Variants in KIAA1217 observed in about 807,000 individuals in gnomAD.
KIAA1217 encodes the protein sickle tail protein homolog.
In KIAA1217, 88 loss-of-function variants were observed where a neutral mutation model predicts 163.9. The ratio of observed to expected loss-of-function variants is 0.54; its 90% CI spans 0.45 to 0.64. KIAA1217 has a LOEUF of 0.64. KIAA1217 is among the 30% of genes least tolerant of loss of function. The probability of loss-of-function intolerance (pLI) is 0.00; values close to 1 mark genes in which losing one functional copy is unlikely to be tolerated. For synonymous variants in KIAA1217, 903 were observed against 923.1 expected (o/e 0.98, Z 0.39); for missense variants, 2,372 against 2,475.0 (o/e 0.96, Z 0.88).
intron 2 of KIAA1217, among the ~76,000 whole-genome samples, chr10:24,176,871 C>T (rs901367858): frequency 6.6e-5 from 10 of 152,252 alleles, no homozygotes; most frequent in East Asian, 3.9e-4. Flanking sequence ...CCCTGCCCCA[C>T]GGGGAGGCAG....
intron 2 of KIAA1217, among the ~76,000 whole-genome samples, chr10:24,197,160 C>CTAATA (rs1481556023): frequency 6.6e-6 from 1 of 152,208 alleles, no homozygotes; most frequent in Non-Finnish European, 1.5e-5. Context: ...TTTAGTTAAA[C>CTAATA]TAATATCCCT....
chr10:24,405,711 G>A (rs1162577495), intron 3 of KIAA1217, among the ~76,000 whole-genome samples: 3 of 152,284 alleles, frequency 2.0e-5, no homozygotes, highest in Middle Eastern at 6.8e-3. Context: ...AATTCTGAAA[G>A]GAAGTAGCTT....
intron 2 of KIAA1217, among the ~76,000 whole-genome samples, chr10:24,363,567 G>GTTTTTTTTTTT (rs1176059578): frequency 7.8e-6 from 1 of 128,446 alleles, no homozygotes; most frequent in Non-Finnish European, 1.7e-5. Context: ...TTTTGTTTTT[G>GTTTTTTTTTTT]TTTTTTTTTT....
intron 6 of KIAA1217, among the ~76,000 whole-genome samples, chr10:24,484,457 G>A (rs936000955): frequency 1.3e-5 from 2 of 151,584 alleles, no homozygotes; most frequent in Non-Finnish European, 2.9e-5. Context: ...ATGTTGGCCA[G>A]GCTGGTTTTG....
At chr10:24,441,061 A>G (rs991660347) in intron 5 of KIAA1217, among the ~76,000 whole-genome samples, 2 of 152,258 alleles carry the variant, frequency 1.3e-5, no homozygotes, top group African/African-American at 4.8e-5. Flanking sequence ...CCCATGGTGG[A>G]GAACAGAAAC....
intron 2 of KIAA1217, among the ~76,000 whole-genome samples, chr10:24,150,614 G>C (rs2064563937): frequency 6.6e-6 from 1 of 152,186 alleles, no homozygotes; most frequent in African/African-American, 2.4e-5. Flanking sequence ...TGTCAGGACA[G>C]AAATCAAAAT....
At chr10:24,175,155 C>G (rs1248100111) in intron 2 of KIAA1217, among the ~76,000 whole-genome samples, 1 of 152,184 alleles carries the variant, frequency 6.6e-6, no homozygotes, top group Non-Finnish European at 1.5e-5. Context: ...AGCCACCGCA[C>G]CCAGCCCAAT....
intron 1 of KIAA1217, among the ~76,000 whole-genome samples, chr10:23,893,212 A>T (rs909988175): frequency 6.6e-6 from 1 of 152,060 alleles, no homozygotes; most frequent in Non-Finnish European, 1.5e-5. Context: ...TTCCTGGTTT[A>T]GTCTTGGGAG....
chr10:24,220,696 C>T (rs566762353), intron 2 of KIAA1217, among the ~76,000 whole-genome samples: 44 of 151,096 alleles, frequency 2.9e-4, no homozygotes, highest in African/African-American at 9.7e-4. Context: ...TCTCGTGATC[C>T]GCCCACCTCA....
intron 2 of KIAA1217, among the ~76,000 whole-genome samples, chr10:24,066,260 T>G (rs916034506): frequency 4.3e-4 from 65 of 152,302 alleles, no homozygotes; most frequent in Non-Finnish European, 8.4e-4. Flanking sequence ...CAATTTGGCC[T>G]GTTTTTGCAG....
intron 2 of KIAA1217, among the ~76,000 whole-genome samples, chr10:24,369,179 A>ATGTGTGTGTG (rs59687010): frequency 0.18 from 25,132 of 139,352 alleles, 2,413 homozygotes; most frequent in African/African-American, 0.24. Context: ...AACTTTCACT[A>ATGTGTGTGTG]TGTGTGTGTG....
At chr10:24,527,173 T>G (rs973072320) in intron 13 of KIAA1217, among the ~76,000 whole-genome samples, 1 of 151,962 alleles carries the variant, frequency 6.6e-6, no homozygotes, top group African/African-American at 2.4e-5. Context: ...ATTTTATAAG[T>G]AGGACAATGT....
At chr10:24,314,484 T>C (rs566906039) in intron 2 of KIAA1217, among the ~76,000 whole-genome samples, 4 of 152,324 alleles carry the variant, frequency 2.6e-5, no homozygotes, top group Admixed American at 2.0e-4. Flanking sequence ...TGTCTGTGTG[T>C]GCACACGTGT....
chr10:24,056,215 A>G (rs1474339938), intron 2 of KIAA1217, among the ~76,000 whole-genome samples: 1 of 152,008 alleles, frequency 6.6e-6, no homozygotes, highest in Admixed American at 6.6e-5. Flanking sequence ...GTAGTTCCAG[A>G]TGCTTGGGGG....
intron 1 of KIAA1217, among the ~76,000 whole-genome samples, chr10:23,898,220 T>G (rs145785368): frequency 1.3e-3 from 205 of 152,108 alleles, no homozygotes; most frequent in African/African-American, 4.7e-3. Flanking sequence ...TTCTGTATAC[T>G]CCATCATATT....
intron 2 of KIAA1217, among the ~76,000 whole-genome samples, chr10:24,244,596 A>C (rs1590180513): frequency 9.6e-6 from 1 of 103,914 alleles, no homozygotes; most frequent in Non-Finnish European, 1.8e-5. Flanking sequence ...GACATGTCTT[A>C]CTCTGTCACC....
chr10:24,264,353 G>C (rs1398430250), intron 2 of KIAA1217, among the ~76,000 whole-genome samples: 2 of 152,102 alleles, frequency 1.3e-5, no homozygotes, highest in Non-Finnish European at 2.9e-5. Flanking sequence ...ATTTAAAAAA[G>C]AGCTGCCAGG....
At chr10:24,334,023 A>G (rs187232248) in intron 2 of KIAA1217, among the ~76,000 whole-genome samples, 5 of 152,226 alleles carry the variant, frequency 3.3e-5, no homozygotes, top group Non-Finnish European at 5.9e-5. Context: ...GAGTATGACT[A>G]TTACTAAACA....
chr10:24,302,428 C>G (rs76799949), intron 2 of KIAA1217, among the ~76,000 whole-genome samples: 4,412 of 152,274 alleles, frequency 0.029, 229 homozygotes, highest in African/African-American at 0.1. Flanking sequence ...AGGTGCATCT[C>G]TATACACTTC....
Sources: gnomAD v4.1 joint callset for allele counts (sites outside exome capture counted in the v4.1 genomes callset) on GRCh38, gnomAD v4.1.1 for gene constraint, MANE v1.5 for transcripts, NCBI Gene and HGNC (gene_info 2026-07-23, HGNC 2026-07-21) for gene names.